ATF2: variants seen among roughly 807,000 people sequenced by gnomAD.
ATF2 encodes the protein cyclic AMP-dependent transcription factor ATF-2.
Under a neutral mutation model 60.6 loss-of-function variants are expected in ATF2, and 24 were observed. The observed-to-expected ratio is 0.40, with a 90% CI of 0.29 to 0.56. The LOEUF (loss-of-function observed/expected upper bound fraction) is 0.56. ATF2 is among the 20% of genes least tolerant of loss of function. ATF2 has a pLI of 0.54. For synonymous variants in ATF2, 206 were observed against 215.4 expected (o/e 0.96, Z 0.38); for missense variants, 433 against 607.7 (o/e 0.71, Z 3.02).
chr2:175,141,515 C>T (rs978528327), intron 2 of ATF2, among the ~76,000 whole-genome samples: 4 of 151,920 alleles, frequency 2.6e-5, no homozygotes, highest in Middle Eastern at 6.8e-3. Context: ...CTTTTCGGGA[C>T]GGAGTCTCGC....
At chr2:175,094,399 AT>A (rs1416909528) in intron 11 of ATF2, among the ~76,000 whole-genome samples, 1 of 142,812 alleles carries the variant, frequency 7.0e-6, no homozygotes, top group Admixed American at 6.9e-5. Context: ...GTCTCAAAAA[AT>A]ACGAAAAAAA....
intron 12 of ATF2, among the ~76,000 whole-genome samples, chr2:175,081,802 G>A (rs1693775467): frequency 6.6e-6 from 1 of 152,204 alleles, no homozygotes; most frequent in African/African-American, 2.4e-5. Context: ...TGTGATCCCA[G>A]CACTTTGGGA....
chr2:175,074,470 CTTTAGAGCCAAA>C lies in ATF2; in HGVS notation c.*127_*138del. 1 of 1,146,984 alleles carries C rather than the reference CTTTAGAGCCAAA, an allele frequency of 8.7e-7. No individual in the cohort carries two copies. The highest frequency in any genetic ancestry group is 1.2e-6 in the Non-Finnish European group (1 of 834,018). The allele number at this position is 1,146,984 out of a possible 1,614,324, so 71.1% of individuals were successfully genotyped here. ...GTCTGATCAACTGCTGCTACACCAA[CTTTAGAGCCAAA>C]TTTAATTTCAAGTAAAAAAAAAAAA... On this transcript the variant is annotated 3_prime_UTR_variant, in exon 14 of 14. Transcript: ENST00000264110.
chr2:175,105,494 C>A (rs1021720919), intron 10 of ATF2, among the ~76,000 whole-genome samples: 12 of 152,104 alleles, frequency 7.9e-5, no homozygotes, highest in Non-Finnish European at 1.2e-4. Flanking sequence ...AATTTAAGAT[C>A]ATGTCTATTG....
intron 2 of ATF2, among the ~76,000 whole-genome samples, chr2:175,142,272 G>A (rs1054695947): frequency 1.4e-4 from 20 of 146,774 alleles, no homozygotes; most frequent in African/African-American, 3.8e-4. Context: ...TGCAACCTCC[G>A]CCTGCCAGGT....
rs571737114 is a variant in ATF2, at chr2:175,098,727, A to T, written c.829-1134T>A. ...AGGGGTGAGTGAGAGAAGAGCTTTT[A>T]AAAAAGACCCCCAAATAATACCAGT... On this transcript the variant is annotated intron_variant, in intron 10 of 13. Transcript: ENST00000264110. 2.9e-3 allele frequency among the ~76,000 whole-genome samples: 440 copies of T among 152,322 alleles called. 3 individuals are homozygous for T. The highest frequency in any genetic ancestry group is 9.4e-3 in the African/African-American group (391 of 41,576).
chr2:175,100,687 C>T (rs994414717), intron 10 of ATF2, among the ~76,000 whole-genome samples: 52 of 152,220 alleles, frequency 3.4e-4, no homozygotes, highest in African/African-American at 1.2e-3. Context: ...AGGTCATAGC[C>T]TGTTCCTCTT....
At chr2:175,163,185 G>A (rs414899) in intron 1 of ATF2, among the ~76,000 whole-genome samples, 238 of 1,952 alleles carry the variant, frequency 0.12, 3 homozygotes, top group East Asian at 0.46. Flanking sequence ...ATAAATAAAT[G>A]CAAGCAAACA....
At chr2:175,111,024 T>A (rs1054444682) in intron 10 of ATF2, among the ~76,000 whole-genome samples, 1 of 152,172 alleles carries the variant, frequency 6.6e-6, no homozygotes, top group African/African-American at 2.4e-5. Context: ...ATTTTACAGA[T>A]GAGGAAATGC....
intron 1 of ATF2, among the ~76,000 whole-genome samples, chr2:175,161,409 A>T (rs1700019769): frequency 6.6e-6 from 1 of 152,236 alleles, no homozygotes; most frequent in African/African-American, 2.4e-5. Context: ...TTGACACTGT[A>T]TTAAGTATTG....
chr2:175,077,994 G>A (rs73033973), intron 13 of ATF2, among the ~76,000 whole-genome samples: 8 of 152,136 alleles, frequency 5.3e-5, no homozygotes. Flanking sequence ...ATTTGAGATA[G>A]GGTCTCCCTG....
chr2:175,098,023 T>C (rs1378478037), intron 10 of ATF2, among the ~76,000 whole-genome samples: 1 of 152,244 alleles, frequency 6.6e-6, no homozygotes, highest in Non-Finnish European at 1.5e-5. Flanking sequence ...TAGATATTTA[T>C]GTCTACCACT....
intron 2 of ATF2, among the ~76,000 whole-genome samples, chr2:175,147,486 C>T (rs1162269805): frequency 4.6e-5 from 7 of 152,114 alleles, no homozygotes; most frequent in Non-Finnish European, 2.9e-5. Context: ...AAACTCTTAA[C>T]CTTTTAAGCA....
intron 10 of ATF2, among the ~76,000 whole-genome samples, chr2:175,108,028 ATC>A (rs1265915163): frequency 6.9e-6 from 1 of 144,864 alleles, no homozygotes; most frequent in African/African-American, 2.6e-5. Flanking sequence ...CTGGCCGCCC[ATC>A]GTCTGGGATG....
At chr2:175,101,144 A>G (rs1269314608) in intron 10 of ATF2, among the ~76,000 whole-genome samples, 2 of 152,206 alleles carry the variant, frequency 1.3e-5, no homozygotes, top group Non-Finnish European at 2.9e-5. Context: ...CTATATTAGT[A>G]GCTAAAACAT....
At chr2:175,097,387 C>T (rs1212672167) in intron 11 of ATF2, 57 bp downstream of exon 11, 6 of 1,581,970 alleles carry the variant, frequency 3.8e-6, no homozygotes, top group Middle Eastern at 3.4e-4. Context: ...GTAAGTTACA[C>T]TGTACTTTTC....
chr2:175,142,358 G>C (rs1698605757), intron 2 of ATF2, among the ~76,000 whole-genome samples: 1 of 151,788 alleles, frequency 6.6e-6, no homozygotes, highest in African/African-American at 2.4e-5. Flanking sequence ...TAGTAGAGAT[G>C]GGGTTTCACC....
At position 175,109,287 on chromosome 2, in the gene ATF2, T is replaced by G. The variant is rs142311158; in HGVS notation, c.828+2281A>C. Among the ~76,000 whole-genome samples the G allele has an allele frequency of 3.4e-3, 517 of 151,844 alleles. 2 individuals are homozygous for G. The highest frequency in any genetic ancestry group is 0.012 in the African/African-American group (480 of 41,448). On this transcript the variant is annotated intron_variant, in intron 10 of 13. Coordinates refer to ENST00000264110, the MANE Select transcript of ATF2 (RefSeq NM_001880.4). ...GAATGGACAAAGAAATTGTGGTATA[T>G]TCACACAATGGAATACCACTCAGCA...
intron 9 of ATF2, 94 bp downstream of exon 9, chr2:175,113,900 A>T (rs1696373473): frequency 9.5e-7 from 1 of 1,050,790 alleles, no homozygotes; most frequent in Non-Finnish European, 1.5e-6. Context: ...ATTATGTTAA[A>T]TTCAATTTCA....
Sources: allele counts gnomAD v4.1 joint callset (sites outside exome capture counted in the v4.1 genomes callset), GRCh38; gene constraint gnomAD v4.1.1; transcripts MANE v1.5; gene names NCBI Gene and HGNC (gene_info 2026-07-23, HGNC 2026-07-21).